Variants in GRM5 observed in about 807,000 individuals in gnomAD.
GRM5 encodes metabotropic glutamate receptor 5.
A neutral mutation model predicts 83.1 loss-of-function variants in GRM5; 19 were observed. That is an observed-to-expected ratio of 0.23 (90% CI 0.16 to 0.34). The LOEUF (loss-of-function observed/expected upper bound fraction) is 0.34. Among genes scored for constraint, GRM5 ranks in the 10% least tolerant of loss-of-function variants. The probability of loss-of-function intolerance (pLI) is 1.00; values close to 1 mark genes in which losing one functional copy is unlikely to be tolerated. For synonymous variants in GRM5, 675 were observed against 633.6 expected (o/e 1.07, Z -0.98); for missense variants, 1,160 against 1,588.3 (o/e 0.73, Z 4.58).
chr11:88,757,964 C>A (rs1037448845), intron 3 of GRM5, among the ~76,000 whole-genome samples: 1 of 152,108 alleles, frequency 6.6e-6, no homozygotes, highest in African/African-American at 2.4e-5. Context: ...AGTTTGAGGG[C>A]ACAGTCCAGG....
chr11:88,544,062 C>T (rs746962353), intron 8 of GRM5, among the ~76,000 whole-genome samples: 1 of 150,242 alleles, frequency 6.7e-6, no homozygotes, highest in Non-Finnish European at 1.5e-5. Flanking sequence ...TTTGCTCTCA[C>T]TCTCTCTCTC....
intron 3 of GRM5, among the ~76,000 whole-genome samples, chr11:88,762,892 T>C (rs1317074321): frequency 6.6e-6 from 1 of 151,616 alleles, no homozygotes; most frequent in East Asian, 1.9e-4. Flanking sequence ...GGACTGGAGG[T>C]CATTATCCTT....
intron 3 of GRM5, among the ~76,000 whole-genome samples, chr11:88,664,706 C>CAA (rs1939995707): frequency 6.6e-6 from 1 of 152,102 alleles, no homozygotes; most frequent in Non-Finnish European, 1.5e-5. Context: ...CTCGGCCTCC[C>CAA]AAAGTGCTGG....
intron 2 of GRM5, among the ~76,000 whole-genome samples, chr11:88,986,686 C>G (rs1939722829): frequency 1.4e-5 from 2 of 140,768 alleles, no homozygotes; most frequent in Non-Finnish European, 3.1e-5. Flanking sequence ...CTTTGCTGTA[C>G]AGAAATTTTG....
chr11:88,953,585 T>C (rs1938525973), intron 2 of GRM5, among the ~76,000 whole-genome samples: 1 of 152,202 alleles, frequency 6.6e-6, no homozygotes. Context: ...TTCATTTGTT[T>C]CCTCTGTCCT....
chr11:88,819,544 A>T (rs958948319), intron 3 of GRM5, among the ~76,000 whole-genome samples: 3 of 152,220 alleles, frequency 2.0e-5, no homozygotes, highest in Non-Finnish European at 2.9e-5. Context: ...TGAAACAAAA[A>T]TGAAAGAATT....
At chr11:88,869,954 A>G (rs1565269502) in intron 2 of GRM5, among the ~76,000 whole-genome samples, 1 of 151,570 alleles carries the variant, frequency 6.6e-6, no homozygotes, top group East Asian at 1.9e-4. Context: ...CTTGATTTTA[A>G]TTTCCATAAC....
chr11:88,829,721 A>T (rs1943953305), intron 3 of GRM5, among the ~76,000 whole-genome samples: 1 of 152,194 alleles, frequency 6.6e-6, no homozygotes, highest in African/African-American at 2.4e-5. Context: ...AAAAAATTGT[A>T]GTTGGATTAA....
intron 2 of GRM5, among the ~76,000 whole-genome samples, chr11:88,911,687 G>T (rs1213957537): frequency 1.3e-5 from 2 of 152,042 alleles, no homozygotes; most frequent in African/African-American, 4.8e-5. Flanking sequence ...TTCCTTATTC[G>T]TAAATTGAGC....
chr11:88,526,108 A>G (rs576291306), intron 8 of GRM5, among the ~76,000 whole-genome samples: 1 of 152,216 alleles, frequency 6.6e-6, no homozygotes, highest in Non-Finnish European at 1.5e-5. Context: ...GGATATTAAA[A>G]GTTTCTGTAA....
chr11:88,673,347 G>A (rs1279422383), intron 3 of GRM5, among the ~76,000 whole-genome samples: 2 of 151,862 alleles, frequency 1.3e-5, no homozygotes, highest in South Asian at 2.1e-4. Flanking sequence ...AATCTAGAAT[G>A]ACACCGAATT....
At chr11:88,772,895 T>C (rs985598309) in intron 3 of GRM5, among the ~76,000 whole-genome samples, 3 of 152,188 alleles carry the variant, frequency 2.0e-5, no homozygotes, top group African/African-American at 7.2e-5. Context: ...TTGTGAATGG[T>C]GCCGCAATAA....
intron 3 of GRM5, among the ~76,000 whole-genome samples, chr11:88,824,651 CT>C (rs2135513164): frequency 6.6e-6 from 1 of 152,264 alleles, no homozygotes. Context: ...CTATGAGAAT[CT>C]AATGCTACCA....
At chr11:88,870,879 G>T (rs913891249) in intron 2 of GRM5, among the ~76,000 whole-genome samples, 1 of 151,406 alleles carries the variant, frequency 6.6e-6, no homozygotes, top group East Asian at 1.9e-4. Flanking sequence ...TTAAATAAAC[G>T]ATTAAAGGGA....
intron 2 of GRM5, among the ~76,000 whole-genome samples, chr11:88,858,119 A>G (rs1944504587): frequency 6.6e-6 from 1 of 152,030 alleles, no homozygotes; most frequent in Non-Finnish European, 1.5e-5. Flanking sequence ...CATTAAGCAT[A>G]AGGCATGGCA....
intron 3 of GRM5, among the ~76,000 whole-genome samples, chr11:88,779,256 A>G (rs1009991374): frequency 2.0e-5 from 3 of 152,202 alleles, no homozygotes; most frequent in Non-Finnish European, 4.4e-5. Flanking sequence ...CCCTGTAAGG[A>G]TTATTTAGCC....
intron 8 of GRM5, among the ~76,000 whole-genome samples, chr11:88,529,236 T>C (rs1941951814): frequency 6.6e-6 from 1 of 151,840 alleles, no homozygotes; most frequent in African/African-American, 2.4e-5. Flanking sequence ...GATTATGTCA[T>C]TGATAAGGTC....
chr11:88,668,927 G>T (rs1365488902), intron 3 of GRM5, among the ~76,000 whole-genome samples: 1 of 152,100 alleles, frequency 6.6e-6, no homozygotes, highest in African/African-American at 2.4e-5. Context: ...CAGACATTAT[G>T]TTATTTCACT....
At chr11:88,811,122 A>T (rs1443607051) in intron 3 of GRM5, among the ~76,000 whole-genome samples, 1 of 152,034 alleles carries the variant, frequency 6.6e-6, no homozygotes, top group East Asian at 1.9e-4. Flanking sequence ...CATTCTCAAG[A>T]TGCTATGCCT....
Sources: allele counts gnomAD v4.1 joint callset (sites outside exome capture counted in the v4.1 genomes callset), GRCh38; gene constraint gnomAD v4.1.1; transcripts MANE v1.5; gene names NCBI Gene and HGNC (gene_info 2026-07-23, HGNC 2026-07-21).